OLFML1: variants seen among roughly 807,000 people sequenced by gnomAD.
The protein encoded by OLFML1 is olfactomedin-like protein 1.
Under a neutral mutation model 37.3 loss-of-function variants are expected in OLFML1, and 33 were observed. That is an observed-to-expected ratio of 0.88 (90% CI 0.67 to 1.18). The LOEUF (loss-of-function observed/expected upper bound fraction) is 1.18, where lower values mean the gene tolerates loss of function less well. Among genes scored for constraint, OLFML1 ranks in the 50% most tolerant of loss-of-function variants. The pLI is 0.00. For missense variants in OLFML1, 545 were observed against 483.7 expected, an observed-to-expected ratio of 1.13 and a Z score of -1.19; for synonymous variants, 186 against 181.3, an observed-to-expected ratio of 1.03 and a Z score of -0.21.
chr11:7,492,227 G>T (rs188883514), intron 2 of OLFML1, among the ~76,000 whole-genome samples: 32 of 152,316 alleles, frequency 2.1e-4, no homozygotes, highest in African/African-American at 7.7e-4. Context: ...GGAAGACTCT[G>T]ATCTTCCTGT....
intron 2 of OLFML1, among the ~76,000 whole-genome samples, chr11:7,491,270 A>C (rs6578867): frequency 0.47 from 72,156 of 151,986 alleles, 18,299 homozygotes; most frequent in African/African-American, 0.64. Flanking sequence ...TCCTGGAGCA[A>C]TTCATTCAGT....
chr11:7,500,569 C>A lies in OLFML1; in HGVS notation c.419-8829C>A, dbSNP rs1848708889. On this transcript the variant is annotated intron_variant, in intron 2 of 2. Transcript: ENST00000329293. Reference sequence around the variant, plus strand: ...GACCTTTCCAAGTAACTTATACAAGCCTTAATGTTTCCTCATTTGGAAAAT... The same window carrying A: ...GACCTTTCCAAGTAACTTATACAAGACTTAATGTTTCCTCATTTGGAAAAT... Among the ~76,000 whole-genome samples, 4 of 152,122 alleles carry A rather than the reference C, an allele frequency of 2.6e-5. No homozygotes were observed. In the South Asian group the frequency reaches 8.3e-4, roughly 32 times the overall value.
chr11:7,488,302 T>C lies in OLFML1; in HGVS notation c.305T>C (p.Ile102Thr). The change falls in exon 2 of 3, where the codon ATA becomes ACA. Residue 102 changes from isoleucine (I) to threonine (T), a missense_variant. Coordinates refer to ENST00000329293, the MANE Select transcript of OLFML1 (RefSeq NM_198474.4). ...VERAQREIDY[I>T]QYLREADECI... The stretch of plus-strand genomic sequence containing the variant: ...CGTGCCCAACGGGAGATTGACTACA[T>C]ACAATACCTTCGAGAGGCTGACGAG... 1 of 1,614,092 alleles carries C rather than the reference T, an allele frequency of 6.2e-7. No homozygotes were observed. Among genetic ancestry groups the C allele is most frequent in the Non-Finnish European group, 8.5e-7 (1 of 1,179,990 alleles).
At chr11:7,494,856 G>C (rs1011695726) in intron 2 of OLFML1, among the ~76,000 whole-genome samples, 1 of 152,128 alleles carries the variant, frequency 6.6e-6, no homozygotes, top group African/African-American at 2.4e-5. Context: ...GACCATGTTA[G>C]TTTTCTATTT....
chr11:7,491,259 C>T (rs1848594207), intron 2 of OLFML1, among the ~76,000 whole-genome samples: 1 of 152,158 alleles, frequency 6.6e-6, no homozygotes, highest in African/African-American at 2.4e-5. Flanking sequence ...GCCTATAATG[C>T]TCCTGGAGCA....
chr11:7,510,974 A>G lies in OLFML1; in HGVS notation c.*786A>G, dbSNP rs1336521360. ...CTCGTTTCACCTTTGTGAAACATGC[A>G]CAAGTCTTTACAGCTGTCATTCTAG... On this transcript the variant is annotated 3_prime_UTR_variant, in exon 3 of 3. Coordinates refer to ENST00000329293, the MANE Select transcript of OLFML1 (RefSeq NM_198474.4). 6.6e-6 allele frequency: 1 copy of G among 152,230 alleles called. No homozygotes were observed. The highest frequency in any genetic ancestry group is 2.4e-5 in the African/African-American group (1 of 41,450). 9.4% of individuals were successfully genotyped at this position (152,230 alleles called of 1,614,324 possible).
At chr11:7,492,413 G>A (rs922332128) in intron 2 of OLFML1, among the ~76,000 whole-genome samples, 9 of 152,158 alleles carry the variant, frequency 5.9e-5, no homozygotes, top group Non-Finnish European at 1.2e-4. Flanking sequence ...TGGAGAGTTT[G>A]TAAACCCCTA....
Position 7,509,994 on chromosome 11 carries a change from C to A in OLFML1, c.1015C>A (p.His339Asn), listed in dbSNP as rs1848839818. The change falls in exon 3 of 3, where the codon CAT becomes AAT. Residue 339 changes from histidine to asparagine, a missense_variant. Physicochemically the swap from His to Asn is moderately conservative, Grantham distance 68. Transcript: ENST00000329293. ...VVYSTGGQGPHRITCIYDPLG... is the reference protein window; with the variant it reads ...VVYSTGGQGPNRITCIYDPLG... ...CTACAGTACTGGGGGCCAGGGCCCT[C>A]ATCGCATCACCTGCATCTATGATCC... 6.2e-7 allele frequency: 1 copy of A among 1,614,132 alleles called. No individual in the cohort carries two copies. The highest frequency in any genetic ancestry group is 8.5e-7 in the Non-Finnish European group (1 of 1,180,054).
chr11:7,491,928 G>T (rs1040615113), intron 2 of OLFML1, among the ~76,000 whole-genome samples: 1 of 152,138 alleles, frequency 6.6e-6, no homozygotes, highest in African/African-American at 2.4e-5. Flanking sequence ...ATGTGATTCA[G>T]CCAGCCCACC....
chr11:7,492,047 C>G (rs545341071), intron 2 of OLFML1, among the ~76,000 whole-genome samples: 1 of 152,266 alleles, frequency 6.6e-6, no homozygotes, highest in South Asian at 2.1e-4. Flanking sequence ...AGAGTGCTGT[C>G]CTGTCATACA....
Position 7,488,241 on chromosome 11 carries a change from A to C in OLFML1, c.244A>C (p.Lys82Gln). 6.2e-7 allele frequency: 1 copy of C among 1,614,128 alleles called. No homozygotes were observed. The highest frequency in any genetic ancestry group is 8.5e-7 in the Non-Finnish European group (1 of 1,180,016). The change falls in exon 2 of 3, where the codon AAG becomes CAG. Residue 82 changes from lysine to glutamine, a missense_variant. Physicochemically the swap from Lys to Gln is moderately conservative, Grantham distance 53. Transcript: ENST00000329293. ...GRCQTYTSEY[K>Q]SAVGNLALRV... ...ATGTCAGACCTACACAAGTGAGTAC[A>C]AGAGTGCAGTGGGTAACTTGGCACT...
chr11:7,490,512 G>C (rs1011903720), intron 2 of OLFML1, among the ~76,000 whole-genome samples: 1 of 152,148 alleles, frequency 6.6e-6, no homozygotes, highest in East Asian at 1.9e-4. Flanking sequence ...ACCAGGTGTT[G>C]AGACTACCCT....
intron 2 of OLFML1, among the ~76,000 whole-genome samples, chr11:7,494,727 G>C (rs74848068): frequency 6.6e-5 from 10 of 152,304 alleles, no homozygotes; most frequent in African/African-American, 2.4e-4. Context: ...GCTGAACTCA[G>C]TGAAGCCATC....
intron 2 of OLFML1, among the ~76,000 whole-genome samples, chr11:7,490,484 C>T (rs896951079): frequency 1.3e-5 from 2 of 152,106 alleles, no homozygotes; most frequent in African/African-American, 4.8e-5. Flanking sequence ...GTTTCTGGTC[C>T]CTGGATACTC....
In OLFML1 at chr11:7,488,234, T is replaced by A; in HGVS notation, c.237T>A (p.Ser79Arg). The A allele has an allele frequency of 6.2e-7, 1 of 1,613,816 alleles. No individual in the cohort carries two copies. The highest frequency in any genetic ancestry group is 8.5e-7 in the Non-Finnish European group (1 of 1,179,966). ...VMLGRCQTYT[S>R]EYKSAVGNLA... ...TGGGAAGATGTCAGACCTACACAAG[T>A]GAGTACAAGAGTGCAGTGGGTAACT... The change falls in exon 2 of 3, where the codon AGT (serine) becomes AGA (arginine). Residue 79 changes from serine (S) to arginine (R), a missense_variant. By Grantham distance (110) the Ser-to-Arg change is moderately radical. Coordinates refer to ENST00000329293, the MANE Select transcript of OLFML1 (RefSeq NM_198474.4).
Position 7,510,054 on chromosome 11 carries a change from T to A in OLFML1, c.1075T>A (p.Leu359Met). The stretch of plus-strand genomic sequence containing the variant: ...TATCAGTGAGGAGGACTTGCCCAAC[T>A]TGTTCTTCCCCAAGAGACCAAGAAG... ...GTISEEDLPN[L>M]FFPKRPRSHS... Residue 359 changes from leucine (L) to methionine (M), a missense_variant, in exon 3 of 3, where the codon TTG becomes ATG. By Grantham distance (15) the Leu-to-Met change is conservative. Coordinates refer to ENST00000329293, the MANE Select transcript of OLFML1 (RefSeq NM_198474.4). 1 of 1,614,214 alleles carries A rather than the reference T, an allele frequency of 6.2e-7. No homozygotes were observed. The highest frequency in any genetic ancestry group is 8.5e-7 in the Non-Finnish European group (1 of 1,180,040).
At chr11:7,503,783 C>T (rs1848750292) in intron 2 of OLFML1, among the ~76,000 whole-genome samples, 1 of 152,034 alleles carries the variant, frequency 6.6e-6, no homozygotes, top group Non-Finnish European at 1.5e-5. Context: ...GGAAGAGGTC[C>T]ACTGCAAAAG....
intron 2 of OLFML1, among the ~76,000 whole-genome samples, chr11:7,502,093 A>G (rs1431520396): frequency 1.3e-5 from 2 of 152,270 alleles, no homozygotes; most frequent in African/African-American, 2.4e-5. Flanking sequence ...TCTTCAAGAC[A>G]TAATATTGAA....
rs1423888497 is a variant in OLFML1, at chr11:7,510,134, A to C, written c.1155A>C (p.Glu385Asp). Reference protein sequence around the residue: ...PRDKQLYAWNEGNQIIYKLQT... With the variant: ...PRDKQLYAWNDGNQIIYKLQT... ...ATAAGCAGCTCTATGCCTGGAATGA[A>C]GGAAACCAGATCATTTACAAACTCC... Residue 385 changes from glutamate to aspartate, a missense_variant, in exon 3 of 3, where the codon GAA becomes GAC. Physicochemically the swap from Glu to Asp is conservative, Grantham distance 45. Transcript: ENST00000329293. 6.2e-6 allele frequency: 10 copies of C among 1,613,624 alleles called. No homozygotes were observed. Among genetic ancestry groups the C allele is most frequent in the Middle Eastern group, 3.3e-4 (2 of 6,062 alleles).
Sources: gnomAD v4.1 joint callset for allele counts (sites outside exome capture counted in the v4.1 genomes callset) on GRCh38, gnomAD v4.1.1 for gene constraint, MANE v1.5 for transcripts, NCBI Gene and HGNC (gene_info 2026-07-23, HGNC 2026-07-21) for gene names.